The following ZKSCAN7 variants were observed in gnomAD, a reference collection of about 807,000 sequenced individuals.
The protein encoded by ZKSCAN7 is zinc finger with KRAB and SCAN domains 7.
Under a neutral mutation model 65.3 loss-of-function variants are expected in ZKSCAN7, and 38 were observed. The ratio of observed to expected loss-of-function variants is 0.58; its 90% CI spans 0.45 to 0.76. The LOEUF is 0.76. Among genes scored for constraint, ZKSCAN7 ranks in the 30% least tolerant of loss-of-function variants. The pLI, the probability that ZKSCAN7 is intolerant of heterozygous loss-of-function variation, is 0.00. For missense variants in ZKSCAN7, 815 were observed against 913.3 expected (o/e 0.89, Z 1.39); for synonymous variants, 321 against 321.0 (o/e 1.00, Z 0.00).
At chr3:44,558,544 AGAAAG>A (rs1699367196) in intron 2 of ZKSCAN7, among the ~76,000 whole-genome samples, 1 of 151,694 alleles carries the variant, frequency 6.6e-6, no homozygotes, top group Admixed American at 6.6e-5. Context: ...AAAAAAGAAA[AGAAAG>A]AGAGATTTAT....
chr3:44,560,270 A>C (rs1292448919), intron 2 of ZKSCAN7, among the ~76,000 whole-genome samples: 1 of 152,190 alleles, frequency 6.6e-6, no homozygotes, highest in Non-Finnish European at 1.5e-5. Flanking sequence ...AGGCGTTCAG[A>C]AAATGTTTAC....
At chr3:44,557,605 G>A in intron 2 of ZKSCAN7, 135 bp downstream of exon 2, 5 of 1,285,784 alleles carry the variant, frequency 3.9e-6, no homozygotes, top group Non-Finnish European at 5.3e-6. Flanking sequence ...GTGGATAGAG[G>A]GAAAATAGTT....
In ZKSCAN7 at chr3:44,570,958, T is replaced by C. The variant is rs773100610; in HGVS notation, c.1848T>C (p.Phe616=). The change falls in exon 6 of 6, where the codon TTT becomes TTC. Residue 616 remains phenylalanine, a synonymous_variant. Transcript: ENST00000426540. The stretch of plus-strand genomic sequence containing the variant: ...AATGTAGCGAGTGTGGTAAGGCATT[T>C]GGTCTGAGTAAATGTCTTATTCGGC... ...PFECSECGKA[F]GLSKCLIRHQ... The C allele has an allele frequency of 1.2e-6, 2 of 1,614,140 alleles. No homozygotes were observed. The highest frequency in any genetic ancestry group is 2.2e-5 in the East Asian group (1 of 44,880).
At chr3:44,580,421 C>T in intron 5 of ZKSCAN7, 1 of 1,600,014 alleles carries the variant, frequency 6.2e-7, no homozygotes, top group Non-Finnish European at 8.5e-7. Context: ...TCATTTCTTC[C>T]TGCCAGAGTG....
chr3:44,562,635 A>ATC (rs1559424353), intron 2 of ZKSCAN7, among the ~76,000 whole-genome samples: 1 of 152,196 alleles, frequency 6.6e-6, no homozygotes, highest in Non-Finnish European at 1.5e-5. Context: ...ATATGAGTGG[A>ATC]CACTTTTAGA....
Position 44,565,435 on chromosome 3 carries a change from C to T in ZKSCAN7, c.424-52C>T. 9 of 1,507,194 alleles carry T rather than the reference C, an allele frequency of 6.0e-6. No homozygotes were observed. The South Asian group carries it at 1.2e-4, about 21-fold the overall frequency. 93.4% of individuals were successfully genotyped at this position (1,507,194 alleles called of 1,614,324 possible). ...GGGAGCTGCTTAGAGGTTTTGGGTT[C>T]AGTACCTTCAAGGATGCTCTTTTGA... On this transcript the variant is annotated intron_variant, in intron 2 of 5. Coordinates refer to ENST00000426540, the MANE Select transcript of ZKSCAN7 (RefSeq NM_001288590.2).
downstream of ZKSCAN7, among the ~76,000 whole-genome samples, chr3:44,573,286 C>T (rs777476953): frequency 6.6e-6 from 1 of 152,166 alleles, no homozygotes; most frequent in Non-Finnish European, 1.5e-5. Context: ...ATCCCTTAAA[C>T]TTAATAGGTT....
At chr3:44,566,935 A>T (rs1010436501) in intron 3 of ZKSCAN7, among the ~76,000 whole-genome samples, 6 of 152,032 alleles carry the variant, frequency 3.9e-5, no homozygotes, top group Non-Finnish European at 8.8e-5. Context: ...CCTGGCCAAC[A>T]TGATGAATCC....
intron 2 of ZKSCAN7, among the ~76,000 whole-genome samples, chr3:44,564,870 G>A (rs537869302): frequency 3.3e-5 from 5 of 151,904 alleles, no homozygotes; most frequent in East Asian, 1.9e-4. Flanking sequence ...GCGTGATCTC[G>A]GCTCCCTGCA....
Position 44,570,148 on chromosome 3 carries a change from G to GA in ZKSCAN7, c.1044dup (p.Ser349IlefsTer7), listed in dbSNP as rs779330092. ...TCTTGGAAATAACAGATGAAGATAAGAAAAAATCCACAAAAGACAGATATG... is the reference window on the plus strand; with the variant it reads ...TCTTGGAAATAACAGATGAAGATAAGAAAAAAATCCACAAAAGACAGATATG... On this transcript the variant is annotated frameshift_variant, in exon 6 of 6. Transcript: ENST00000426540. LOFTEE classifies it high-confidence loss of function. 543 of 1,613,942 alleles carry GA rather than the reference G, an allele frequency of 3.4e-4. 1 individual carries two copies. The highest frequency in any genetic ancestry group is 3.0e-4 in the Non-Finnish European group (359 of 1,180,020).
chr3:44,563,577 C>T (rs1302786920), intron 2 of ZKSCAN7, among the ~76,000 whole-genome samples: 2 of 152,014 alleles, frequency 1.3e-5, no homozygotes, highest in Non-Finnish European at 2.9e-5. Context: ...GAGGAAAGTG[C>T]CACACACTTT....
Position 44,570,520 on chromosome 3 carries a change from T to C in ZKSCAN7, c.1410T>C (p.Asn470=), listed in dbSNP as rs1189737167. 1.2e-6 allele frequency: 2 copies of C among 1,614,158 alleles called. No individual in the cohort carries two copies. Among genetic ancestry groups the C allele is most frequent in the Non-Finnish European group, 1.7e-6 (2 of 1,180,018 alleles). Residue 470 remains asparagine, a synonymous_variant, in exon 6 of 6, where the codon AAT becomes AAC. Coordinates refer to ENST00000426540, the MANE Select transcript of ZKSCAN7 (RefSeq NM_001288590.2). ...ATGGGGAGAAACCCTATAAATGTAA[T>C]GAATGTGCAAAAGCCTTTACTCAGA... is the stretch of plus-strand genomic sequence containing the variant. ...LHNGEKPYKC[N]ECAKAFTQSS...
Position 44,557,465 on chromosome 3 carries a change from G to T in ZKSCAN7, c.418G>T (p.Glu140Ter), listed in dbSNP as rs367900197. The T allele has an allele frequency of 3.1e-6, 5 of 1,614,220 alleles. No individual in the cohort carries two copies. Among genetic ancestry groups the T allele is most frequent in the Non-Finnish European group, 4.2e-6 (5 of 1,180,032 alleles). ...EDFQRHLSGS[E>*]EVSAPAQKQE... is the part of the protein sequence containing the mutation. ...TTTCCAGAGACACCTCAGTGGATCA[G>T]AGGAGGTGAGCAGTTGAGTCTAGAA... The change falls in exon 2 of 6, where the codon GAG becomes TAG. Residue 140 changes from glutamate to a stop codon, truncating the protein, a stop_gained. Transcript: ENST00000426540. LOFTEE classifies it high-confidence loss of function.
intron 3 of ZKSCAN7, among the ~76,000 whole-genome samples, chr3:44,567,460 A>T (rs1337224312): frequency 6.6e-6 from 1 of 152,174 alleles, no homozygotes; most frequent in East Asian, 1.9e-4. Flanking sequence ...TCTAGGAGAG[A>T]AGTAAGAACT....
intron 5 of ZKSCAN7, among the ~76,000 whole-genome samples, chr3:44,568,894 C>T (rs992339792): frequency 1.3e-5 from 2 of 152,208 alleles, no homozygotes; most frequent in Non-Finnish European, 2.9e-5. Context: ...TCCTCCTCCT[C>T]TTGCCCATTT....
At chr3:44,567,691 G>A (rs926133432) in intron 3 of ZKSCAN7, among the ~76,000 whole-genome samples, 2 of 151,926 alleles carry the variant, frequency 1.3e-5, no homozygotes, top group Non-Finnish European at 2.9e-5. Flanking sequence ...AAGAGAGTGA[G>A]GGCTTGGAGG....
rs930749807 is a variant in ZKSCAN7 at position 44,571,592 on chromosome 3, T to A, written c.*217T>A. 11 of 1,358,186 alleles carry A rather than the reference T, an allele frequency of 8.1e-6. No homozygotes were observed. In the South Asian group the frequency reaches 2.0e-4, roughly 24 times the overall value. 84.1% of individuals were successfully genotyped at this position (1,358,186 alleles called of 1,614,324 possible). A position where few individuals can be genotyped will look rare whatever the true frequency, so the allele number is the denominator to read the frequency against. On this transcript the variant is annotated 3_prime_UTR_variant, in exon 6 of 6. Transcript: ENST00000426540. ...TACACATGTCATTGAATTGTAGGTT[T>A]CCTTTTTTTTTCTTTACTTTTAAAT...
chr3:44,556,682 C>T (rs1032743402), intron 1 of ZKSCAN7, among the ~76,000 whole-genome samples: 1 of 152,136 alleles, frequency 6.6e-6, no homozygotes, highest in African/African-American at 2.4e-5. Context: ...GAGGGTGTGG[C>T]TGGTTGTGAA....
intron 5 of ZKSCAN7, chr3:44,580,488 C>G (rs13074938): frequency 0.27 from 423,503 of 1,594,430 alleles, 60,564 homozygotes; most frequent in Non-Finnish European, 0.29. Context: ...GCTGCTGCTG[C>G]TGGTGGTAAC....
Sources: allele counts gnomAD v4.1 joint callset (sites outside exome capture counted in the v4.1 genomes callset), GRCh38; gene constraint gnomAD v4.1.1; transcripts MANE v1.5; gene names NCBI Gene and HGNC (gene_info 2026-07-23, HGNC 2026-07-21).